Variants in WDR7 observed in about 807,000 individuals in gnomAD.
WDR7 encodes the protein WD repeat-containing protein 7.
WDR7 carries 46 observed loss-of-function variants against 169.4 expected under a neutral mutation model. That is an observed-to-expected ratio of 0.27 (90% confidence interval 0.21 to 0.35). The LOEUF is 0.35. Among genes scored for constraint, WDR7 ranks in the 10% least tolerant of loss-of-function variants. The probability of loss-of-function intolerance (pLI) is 1.00; values close to 1 mark genes in which losing one functional copy is unlikely to be tolerated. For missense variants in WDR7, 1,534 were observed against 1,859.3 expected (o/e 0.83, Z 3.22); for synonymous variants, 612 against 666.8 (o/e 0.92, Z 1.27).
At chr18:56,705,674 G>T (rs1033981390) in intron 12 of WDR7, among the ~76,000 whole-genome samples, 42 of 152,104 alleles carry the variant, frequency 2.8e-4, no homozygotes, top group African/African-American at 9.9e-4. Context: ...GGCGGATCCT[G>T]GCAGGAATTG....
intron 26 of WDR7, among the ~76,000 whole-genome samples, chr18:57,020,190 G>A (rs932475684): frequency 6.6e-6 from 1 of 152,200 alleles, no homozygotes; most frequent in African/African-American, 2.4e-5. Context: ...TCCCACATGT[G>A]TGTGGATGTA....
At chr18:56,831,970 C>T (rs570983905) in intron 20 of WDR7, among the ~76,000 whole-genome samples, 1 of 152,142 alleles carries the variant, frequency 6.6e-6, no homozygotes. Flanking sequence ...CCAGTGGCAC[C>T]TGGAACATCA....
At chr18:56,741,423 C>T (rs985692668) in intron 14 of WDR7, among the ~76,000 whole-genome samples, 8 of 152,164 alleles carry the variant, frequency 5.3e-5, no homozygotes, top group African/African-American at 1.9e-4. Flanking sequence ...ATGATCTTTC[C>T]CCCAGATAAT....
At chr18:56,748,110 T>C (rs941129640) in intron 14 of WDR7, among the ~76,000 whole-genome samples, 8 of 152,236 alleles carry the variant, frequency 5.3e-5, no homozygotes, top group African/African-American at 1.7e-4. Flanking sequence ...GTATCTTTGA[T>C]ACATTCATTT....
At chr18:56,980,377 G>T (rs1187713264) in intron 26 of WDR7, among the ~76,000 whole-genome samples, 1 of 152,148 alleles carries the variant, frequency 6.6e-6, no homozygotes, top group Non-Finnish European at 1.5e-5. Context: ...GCCGTGTGTA[G>T]AAGCCCAAGA....
chr18:56,989,013 A>G (rs1302766779), intron 26 of WDR7, among the ~76,000 whole-genome samples: 4 of 151,136 alleles, frequency 2.6e-5, no homozygotes, highest in Non-Finnish European at 5.9e-5. Context: ...TTTTGGTTTG[A>G]CTCTTAAAGG....
intron 19 of WDR7, among the ~76,000 whole-genome samples, chr18:56,790,458 C>T (rs368117800): frequency 2.6e-5 from 4 of 152,040 alleles, no homozygotes; most frequent in Admixed American, 2.6e-4. Flanking sequence ...ATAGATCTTA[C>T]GGATTGGAAG....
At chr18:56,965,231 A>T (rs893734294) in intron 26 of WDR7, among the ~76,000 whole-genome samples, 2 of 152,204 alleles carry the variant, frequency 1.3e-5, no homozygotes, top group East Asian at 3.9e-4. Context: ...GGATGGAAAA[A>T]TAAGACATGA....
At chr18:56,685,732 T>C (rs1169468996) in intron 5 of WDR7, among the ~76,000 whole-genome samples, 4 of 152,186 alleles carry the variant, frequency 2.6e-5, no homozygotes, top group African/African-American at 9.7e-5. Flanking sequence ...AATAAAAAAT[T>C]CAATTAGCTA....
At chr18:56,762,683 TA>T (rs2043996587) in intron 16 of WDR7, among the ~76,000 whole-genome samples, 1 of 152,078 alleles carries the variant, frequency 6.6e-6, no homozygotes, top group Non-Finnish European at 1.5e-5. Flanking sequence ...TCAATCTTAT[TA>T]GTCATTTTAA....
chr18:56,809,344 T>A (rs988438834), intron 19 of WDR7, among the ~76,000 whole-genome samples: 15 of 152,128 alleles, frequency 9.9e-5, no homozygotes, highest in African/African-American at 2.4e-5. Context: ...AATAACGCAA[T>A]TTGTGCCATG....
intron 12 of WDR7, among the ~76,000 whole-genome samples, chr18:56,710,417 A>G (rs1468161658): frequency 2.0e-5 from 3 of 152,204 alleles, no homozygotes; most frequent in Non-Finnish European, 4.4e-5. Flanking sequence ...ATTTAATATT[A>G]TGACAAATAT....
intron 25 of WDR7, among the ~76,000 whole-genome samples, chr18:56,940,311 C>A (rs577308110): frequency 2.0e-5 from 3 of 152,174 alleles, no homozygotes; most frequent in Non-Finnish European, 4.4e-5. Flanking sequence ...ACCTGCTATG[C>A]AAATGTATTT....
chr18:56,925,057 C>T (rs1323832513), intron 22 of WDR7, among the ~76,000 whole-genome samples: 1 of 152,190 alleles, frequency 6.6e-6, no homozygotes, highest in Non-Finnish European at 1.5e-5. Flanking sequence ...CTGGCTTCTT[C>T]ACTGACATGA....
Position 56,935,804 on chromosome 18 carries a change from C to T in WDR7, c.3730C>T (p.Pro1244Ser), listed in dbSNP as rs1166211927. 4 of 1,614,060 alleles carry T rather than the reference C, an allele frequency of 2.5e-6. No homozygotes were observed. In the East Asian group the frequency reaches 6.7e-5, roughly 27 times the overall value. Residue 1244 changes from proline (P) to serine (S), a missense_variant, in exon 23 of 28, where the codon CCT becomes TCT. Pro to Ser is a moderately conservative substitution (Grantham distance 74). Coordinates refer to ENST00000254442, the MANE Select transcript of WDR7 (RefSeq NM_015285.3). ...KQLANITMGL[P>S]LSPAADSARS... Reference sequence around the variant, plus strand: ...CCTGTTTAGCATCACAATGGGGTTGCCTCTGAGCCCAGCAGCTGACTCGGC... The same window carrying T: ...CCTGTTTAGCATCACAATGGGGTTGTCTCTGAGCCCAGCAGCTGACTCGGC...
intron 2 of WDR7, among the ~76,000 whole-genome samples, chr18:56,675,802 G>A (rs1172592162): frequency 6.6e-6 from 1 of 151,936 alleles, no homozygotes; most frequent in East Asian, 1.9e-4. Flanking sequence ...CAGAGGGAAA[G>A]CATCTAGTCT....
intron 16 of WDR7, among the ~76,000 whole-genome samples, chr18:56,775,178 G>A (rs1417908871): frequency 6.6e-6 from 1 of 151,930 alleles, no homozygotes; most frequent in Non-Finnish European, 1.5e-5. Context: ...TCATTCTATT[G>A]TCCTTTCAGA....
chr18:56,933,281 A>C (rs1052422545), intron 22 of WDR7, among the ~76,000 whole-genome samples: 47 of 152,122 alleles, frequency 3.1e-4, no homozygotes, highest in Non-Finnish European at 1.5e-4. Context: ...TACCACACAT[A>C]TTTATGTTTC....
intron 13 of WDR7, among the ~76,000 whole-genome samples, chr18:56,720,781 A>C (rs114664896): frequency 6.6e-6 from 1 of 152,314 alleles, no homozygotes; most frequent in African/African-American, 2.4e-5. Context: ...AGTTTAGTGT[A>C]ATTAAGCCCA....
Sources: gnomAD v4.1 joint callset for allele counts (sites outside exome capture counted in the v4.1 genomes callset) on GRCh38, gnomAD v4.1.1 for gene constraint, MANE v1.5 for transcripts, NCBI Gene and HGNC (gene_info 2026-07-23, HGNC 2026-07-21) for gene names.